The following UGT1A3 variants were observed in gnomAD, a reference collection of about 807,000 sequenced individuals.
UGT1A3 encodes the protein UDP-glucuronosyltransferase 1A3.
UGT1A3 carries 31 observed loss-of-function variants against 41.0 expected under a neutral mutation model. The observed-to-expected ratio is 0.76, with a 90% CI of 0.57 to 1.02. UGT1A3 has a LOEUF of 1.02. Ranked by LOEUF, UGT1A3 falls within the 50% of genes least tolerant of loss-of-function variation. The probability of loss-of-function intolerance (pLI) is 0.00; values close to 1 mark genes in which losing one functional copy is unlikely to be tolerated. For synonymous variants in UGT1A3, 262 were observed against 257.6 expected, an observed-to-expected ratio of 1.02 and a Z score of -0.17; for missense variants, 737 against 671.0, an observed-to-expected ratio of 1.10 and a Z score of -1.09.
rs571873235 is a variant in UGT1A3, at chr2:233,755,171, G to C, written c.868-11863G>C. On this transcript the variant is annotated intron_variant, in intron 1 of 4. Transcript: ENST00000482026. ...CTTCCTCCCTGTCCTCGGGGTTTTT[G>C]TCGGGGTGCCACTTGAGCGCCAGCT... 3.0e-4 allele frequency: 375 copies of C among 1,256,390 alleles called. 6 individuals carry two copies. In the South Asian group the frequency reaches 4.2e-3, roughly 14 times the overall value. The allele number at this position is 1,256,390 out of a possible 1,614,324, so 77.8% of individuals were successfully genotyped here.
intron 1 of UGT1A3, among the ~76,000 whole-genome samples, chr2:233,734,247 T>A (rs1242167028): frequency 6.6e-6 from 1 of 152,226 alleles, no homozygotes; most frequent in Non-Finnish European, 1.5e-5. Flanking sequence ...CCTGCTTTAG[T>A]CTTGGGAGGG....
intron 1 of UGT1A3, chr2:233,760,792 G>A (rs1185395607): frequency 1.2e-6 from 2 of 1,613,510 alleles, no homozygotes; most frequent in Non-Finnish European, 1.7e-6. Context: ...TCTGCCCACT[G>A]TATTCTTCTT....
At chr2:233,737,829 G>A (rs1202229926) in intron 1 of UGT1A3, among the ~76,000 whole-genome samples, 2 of 151,976 alleles carry the variant, frequency 1.3e-5, no homozygotes, top group Admixed American at 6.6e-5. Context: ...AACAAATTGG[G>A]AACTGTGGCA....
intron 1 of UGT1A3, chr2:233,752,588 C>T (rs1160790573): frequency 1.3e-5 from 2 of 152,108 alleles, no homozygotes; most frequent in African/African-American, 4.8e-5. Flanking sequence ...CCCATCTCTA[C>T]AAGATTTTTT....
Position 233,767,868 on chromosome 2 carries a change from G to A in UGT1A3, c.1019G>A (p.Gly340Glu). 6.2e-7 allele frequency: 1 copy of A among 1,614,124 alleles called. No individual in the cohort carries two copies. The change falls in exon 3 of 5, where the codon GGA (glycine) becomes GAA (glutamate). Residue 340 changes from glycine to glutamate, a missense_variant. Physicochemically the swap from Gly to Glu is moderately conservative, Grantham distance 98 (BLOSUM62 -2). Coordinates refer to ENST00000482026, the MANE Select transcript of UGT1A3 (RefSeq NM_019093.4). ...TCCCAGGTCCTGTGGCGGTACACTG[G>A]AACCCGACCATCGAATCTTGCGAAC... ...IPQTVLWRYTGTRPSNLANNT... is the reference protein window; with the variant it reads ...IPQTVLWRYTETRPSNLANNT...
rs1464926221 is a variant in UGT1A3, at chr2:233,757,539, T to A, written c.868-9495T>A. ...GCCAAAATCTTGCCTGTAAGGAATA[T>A]ATATATATATATATATATATATGTA... On this transcript the variant is annotated intron_variant, in intron 1 of 4. Coordinates refer to ENST00000482026, the MANE Select transcript of UGT1A3 (RefSeq NM_019093.4). 4.5e-4 allele frequency among the ~76,000 whole-genome samples: 52 copies of A among 115,728 alleles called. 1 individual carries two copies. Among genetic ancestry groups the A allele is most frequent in the African/African-American group, 1.8e-3 (48 of 26,632 alleles). 75.9% of individuals were successfully genotyped at this position (115,728 alleles called of 152,430 possible). A position where few individuals can be genotyped will look rare whatever the true frequency, so the allele number is the denominator to read the frequency against.
chr2:233,765,570 C>A (rs371639452), intron 1 of UGT1A3, among the ~76,000 whole-genome samples: 1 of 151,792 alleles, frequency 6.6e-6, no homozygotes, highest in Non-Finnish European at 1.5e-5. Flanking sequence ...AATGCGTAGA[C>A]GCAGGGAGGG....
intron 1 of UGT1A3, chr2:233,747,887 T>G (rs1394358402): frequency 6.2e-6 from 10 of 1,613,492 alleles, no homozygotes; most frequent in African/African-American, 1.3e-5. Context: ...ACCTTTGCCA[T>G]GCTCTTTCTG....
chr2:233,772,721 A>G lies in UGT1A3; in HGVS notation c.*162A>G, dbSNP rs1307369412. On this transcript the variant is annotated 3_prime_UTR_variant, in exon 5 of 5. Coordinates refer to ENST00000482026, the MANE Select transcript of UGT1A3 (RefSeq NM_019093.4). ...TAAAAAATTCTCTTAAATAAAAATA[A>G]TAGACTCGCTAGTCAGTAAAGATAT... 4.1e-6 allele frequency: 6 copies of G among 1,458,094 alleles called. No individual in the cohort carries two copies. Among genetic ancestry groups the G allele is most frequent in the Non-Finnish European group, 5.4e-6 (6 of 1,108,844 alleles). The allele number at this position is 1,458,094 out of a possible 1,614,324, so 90.3% of individuals were successfully genotyped here.
chr2:233,764,644 T>C (rs1207415683), intron 1 of UGT1A3, among the ~76,000 whole-genome samples: 1 of 151,998 alleles, frequency 6.6e-6, no homozygotes, highest in African/African-American at 2.4e-5. Context: ...CTAGGAAATT[T>C]AAGTAAGCCA....
At position 233,769,924 on chromosome 2, in the gene UGT1A3, G is replaced by A. The variant is rs1699985317; in HGVS notation, c.1307+1485G>A. On this transcript the variant is annotated intron_variant, in intron 4 of 4. Coordinates refer to ENST00000482026, the MANE Select transcript of UGT1A3 (RefSeq NM_019093.4). This position sits in a 1 kb window ranked among gnomAD's most constrained non-coding sequence, Gnocchi z 4.4. Reference sequence around the variant, plus strand: ...TCATGTGCCCAGAGCGTTGGGTGGTGTGGTCCCATTCCTTCCTTCCAGCGG... The same window carrying A: ...TCATGTGCCCAGAGCGTTGGGTGGTATGGTCCCATTCCTTCCTTCCAGCGG... 1.1e-5 allele frequency: 3 copies of A among 268,160 alleles called. No individual in the cohort carries two copies. In the South Asian group the frequency reaches 2.2e-4, roughly 20 times the overall value. 16.6% of individuals were successfully genotyped at this position (268,160 alleles called of 1,614,324 possible). A position where few individuals can be genotyped will look rare whatever the true frequency, so the allele number is the denominator to read the frequency against.
chr2:233,732,384 C>T (rs1031988593), intron 1 of UGT1A3, among the ~76,000 whole-genome samples: 4 of 152,258 alleles, frequency 2.6e-5, no homozygotes, highest in Middle Eastern at 3.4e-3. Flanking sequence ...GTCTTCTAGG[C>T]CATGCCTATG....
chr2:233,745,759 G>A (rs1184455578), intron 1 of UGT1A3, among the ~76,000 whole-genome samples: 1 of 150,666 alleles, frequency 6.6e-6, no homozygotes, highest in Non-Finnish European at 1.5e-5. Flanking sequence ...CAGAAGGGGT[G>A]GAGAGGAGGA....
chr2:233,766,902 T>C, intron 1 of UGT1A3, 132 bp from the exon 2 acceptor site: 1 of 1,493,390 alleles, frequency 6.7e-7, no homozygotes, highest in Non-Finnish European at 8.9e-7. Flanking sequence ...ATTAATAATT[T>C]TTTACTCTAT....
chr2:233,743,560 C>T (rs1242175284), intron 1 of UGT1A3: 1 of 1,367,302 alleles, frequency 7.3e-7, no homozygotes. Context: ...AAATATTCTC[C>T]AGCGGGTTTC....
chr2:233,747,159 A>G lies in UGT1A3; in HGVS notation c.867+17166A>G, dbSNP rs145059616. 5.9e-5 allele frequency: 94 copies of G among 1,584,988 alleles called. 3 individuals carry two copies. The African/African-American group carries it at 1.2e-3, about 20-fold the overall frequency. Reference sequence around the variant, plus strand: ...CAAGGTAATTAAGATGAAGAAAACAAATGTAGGAGGCACAGCGTGGGGTGG... The same window carrying G: ...CAAGGTAATTAAGATGAAGAAAACAGATGTAGGAGGCACAGCGTGGGGTGG... On this transcript the variant is annotated intron_variant, in intron 1 of 4. Coordinates refer to ENST00000482026, the MANE Select transcript of UGT1A3 (RefSeq NM_019093.4).
chr2:233,760,685 A>G (rs575799001), intron 1 of UGT1A3: 11 of 1,614,182 alleles, frequency 6.8e-6, no homozygotes, highest in South Asian at 1.1e-5. Flanking sequence ...TTACTGCACA[A>G]CAAGGAGCTC....
intron 1 of UGT1A3, among the ~76,000 whole-genome samples, chr2:233,758,732 C>A (rs1469644124): frequency 2.0e-5 from 3 of 152,176 alleles, no homozygotes; most frequent in Non-Finnish European, 4.4e-5. Flanking sequence ...CTAAGCACAT[C>A]CCCAAGTATG....
chr2:233,772,962 G>T lies in UGT1A3; in HGVS notation c.*403G>T, dbSNP rs1038101651. On this transcript the variant is annotated 3_prime_UTR_variant, in exon 5 of 5. Coordinates refer to ENST00000482026, the MANE Select transcript of UGT1A3 (RefSeq NM_019093.4). ...TTGGCTTCTGCAGATGGTTGCAATT[G>T]ATCCTTAACCAATAATGGTCAGTCC... 6.4e-6 allele frequency: 2 copies of T among 313,106 alleles called. No homozygotes were observed. Among genetic ancestry groups the T allele is most frequent in the Middle Eastern group, 1.1e-3 (1 of 878 alleles). 19.4% of individuals were successfully genotyped at this position (313,106 alleles called of 1,614,324 possible). A position where few individuals can be genotyped will look rare whatever the true frequency, so the allele number is the denominator to read the frequency against.
Sources: allele counts gnomAD v4.1 joint callset (sites outside exome capture counted in the v4.1 genomes callset), GRCh38; gene constraint gnomAD v4.1.1; non-coding constraint Gnocchi (gnomAD v3.1); transcripts MANE v1.5; gene names NCBI Gene and HGNC (gene_info 2026-07-23, HGNC 2026-07-21).